MEGF6: variants seen among roughly 807,000 people sequenced by gnomAD.
MEGF6 encodes multiple EGF like domains 6.
A neutral mutation model predicts 207.1 loss-of-function variants in MEGF6; 184 were observed. The observed-to-expected ratio is 0.89, with a 90% CI of 0.79 to 1.00. The LOEUF is 1.00. Among genes scored for constraint, MEGF6 ranks in the 50% least tolerant of loss-of-function variants. The pLI is 0.00. For synonymous variants in MEGF6, 1,038 were observed against 910.0 expected, an observed-to-expected ratio of 1.14 and a Z score of -2.53; for missense variants, 2,282 against 2,202.9, an observed-to-expected ratio of 1.04 and a Z score of -0.72.
Position 3,522,839 on chromosome 1 carries a change from G to A in MEGF6, c.604+1285C>T, listed in dbSNP as rs187207255. Among the ~76,000 whole-genome samples, 9 of 152,296 alleles carry A rather than the reference G, an allele frequency of 5.9e-5. No homozygotes were observed. In the East Asian group the frequency reaches 1.4e-3, roughly 23 times the overall value. On this transcript the variant is annotated intron_variant, in intron 5 of 36. Transcript: ENST00000356575. ...CTGAGAGGAGGGTCGAGAAAAGGACGTGCCCCCCAAGAGCTGCCTCTTCCA... is the reference window on the plus strand; with the variant it reads ...CTGAGAGGAGGGTCGAGAAAAGGACATGCCCCCCAAGAGCTGCCTCTTCCA...
chr1:3,541,992 G>A (rs1012383027), intron 4 of MEGF6, among the ~76,000 whole-genome samples: 1 of 152,244 alleles, frequency 6.6e-6, no homozygotes, highest in Non-Finnish European at 1.5e-5. Flanking sequence ...CCAAGTAGCA[G>A]CTGAGAGCCG....
intron 8 of MEGF6, 104 bp downstream of exon 8, chr1:3,511,902 A>T: frequency 6.4e-7 from 1 of 1,550,964 alleles, no homozygotes; most frequent in Non-Finnish European, 8.7e-7. Context: ...GCTGCCCCTG[A>T]TTGACAAGGA....
chr1:3,550,830 C>T (rs1011064460), intron 4 of MEGF6, among the ~76,000 whole-genome samples: 8 of 152,256 alleles, frequency 5.3e-5, no homozygotes, highest in African/African-American at 1.9e-4. Context: ...CACACCCCCA[C>T]CGCCCGTGCA....
At chr1:3,511,448 T>G in intron 9 of MEGF6, 102 bp downstream of exon 9, 1 of 1,380,702 alleles carries the variant, frequency 7.2e-7, no homozygotes, top group African/African-American at 1.4e-5. Context: ...TCAGGGAGAC[T>G]GACGAGGACC....
upstream of MEGF6, among the ~76,000 whole-genome samples, chr1:3,612,910 GGGGAGAC>G (rs1350242570): frequency 6.6e-6 from 1 of 152,176 alleles, no homozygotes; most frequent in African/African-American, 2.4e-5. Context: ...CTTTACAGAA[GGGGAGAC>G]CTAGGTCACA....
chr1:3,514,117 G>T (rs989802848), intron 7 of MEGF6, among the ~76,000 whole-genome samples: 2 of 152,008 alleles, frequency 1.3e-5, no homozygotes, highest in Non-Finnish European at 2.9e-5. Flanking sequence ...GCCTGGCGGC[G>T]GGTGCCTGTA....
At chr1:3,543,915 G>C (rs373989367) in intron 4 of MEGF6, among the ~76,000 whole-genome samples, 1 of 152,196 alleles carries the variant, frequency 6.6e-6, no homozygotes, top group Non-Finnish European at 1.5e-5. Context: ...CCCAGCCCGC[G>C]TCAGCCCTGG....
intron 36 of MEGF6, 122 bp from the exon 37 acceptor site, chr1:3,490,711 G>GGTGGGGCCCA: frequency 8.4e-7 from 1 of 1,184,130 alleles, no homozygotes; most frequent in Non-Finnish European, 1.2e-6. Context: ...CCAGCAGGTG[G>GGTGGGGCCCA]GTGGGGCCCA....
intron 4 of MEGF6, among the ~76,000 whole-genome samples, chr1:3,549,516 G>C (rs1234645309): frequency 6.6e-6 from 1 of 152,342 alleles, no homozygotes; most frequent in East Asian, 1.9e-4. Context: ...CTGCCTGGGG[G>C]CTTCTGGGGG....
At position 3,498,521 on chromosome 1, in the gene MEGF6, C is replaced by G. The variant is rs748828126; in HGVS notation, c.3224-22G>C. 2.6e-6 allele frequency: 4 copies of G among 1,551,124 alleles called. No homozygotes were observed. The African/African-American group carries it at 4.1e-5, about 16-fold the overall frequency. The stretch of plus-strand genomic sequence containing the variant: ...CACTCTACAGGAGCAGAGGCAGGCA[C>G]GAGGGTGAGGGTCCTGCCTCCTGGG... On this transcript the variant is annotated intron_variant, in intron 25 of 36. Coordinates refer to ENST00000356575, the MANE Select transcript of MEGF6 (RefSeq NM_001409.4).
In MEGF6 at chr1:3,498,488, G is replaced by T; in HGVS notation, c.3235C>A (p.Arg1079=). The part of the protein sequence containing the change: ...GLACEKECLP[R]DVRAGCRHSG... ...TGCCGGCAGCCAGCTCTGACGTCCC[G>T]GGGGAGGCACTCTACAGGAGCAGAG... Residue 1079 remains arginine (R), a synonymous_variant, in exon 26 of 37, where the codon CGG becomes AGG. Transcript: ENST00000356575. 1 of 1,577,066 alleles carries T rather than the reference G, an allele frequency of 6.3e-7. No individual in the cohort carries two copies. The highest frequency in any genetic ancestry group is 8.6e-7 in the Non-Finnish European group (1 of 1,163,382).
upstream of MEGF6, among the ~76,000 whole-genome samples, chr1:3,614,349 C>T (rs1013827040): frequency 1.3e-5 from 2 of 152,204 alleles, no homozygotes; most frequent in African/African-American, 2.4e-5. Flanking sequence ...GACAGCCGAG[C>T]GCCAAAGAGG....
intron 4 of MEGF6, chr1:3,531,485 G>C: frequency 3.8e-6 from 4 of 1,066,644 alleles, no homozygotes; most frequent in South Asian, 4.4e-5. Flanking sequence ...GGCCAAGTCC[G>C]CAGACAACCG....
intron 4 of MEGF6, among the ~76,000 whole-genome samples, chr1:3,525,581 A>C (rs1641930718): frequency 6.6e-6 from 1 of 152,198 alleles, no homozygotes; most frequent in Non-Finnish European, 1.5e-5. Flanking sequence ...GCCTCCCATC[A>C]CAGGACACCT....
chr1:3,613,341 C>T (rs548592369), upstream of MEGF6, among the ~76,000 whole-genome samples: 2 of 152,332 alleles, frequency 1.3e-5, no homozygotes, highest in South Asian at 4.1e-4. Context: ...GCGCTGGGCC[C>T]CTGTCCTCGG....
At chr1:3,581,957 C>T (rs1643808057) in intron 3 of MEGF6, among the ~76,000 whole-genome samples, 1 of 149,590 alleles carries the variant, frequency 6.7e-6, no homozygotes, top group Admixed American at 6.6e-5. Context: ...GAAGCATCTG[C>T]CTAAATCTGA....
intron 13 of MEGF6, 116 bp downstream of exon 13, chr1:3,508,442 C>G: frequency 8.2e-7 from 1 of 1,220,682 alleles, no homozygotes; most frequent in Admixed American, 2.3e-5. Context: ...CTGCACAGAG[C>G]CCCCTGCCCA....
intron 2 of MEGF6, among the ~76,000 whole-genome samples, chr1:3,601,601 GCCCAGCT>G (rs1644160384): frequency 6.6e-6 from 1 of 152,184 alleles, no homozygotes; most frequent in Non-Finnish European, 1.5e-5. Flanking sequence ...CCCTCAGCCT[GCCCAGCT>G]CACCTGTCAC....
the MEGF6 span, among the ~76,000 whole-genome samples, chr1:3,617,735 C>A: frequency 6.6e-6 from 1 of 152,222 alleles, no homozygotes; most frequent in Non-Finnish European, 1.5e-5. Context: ...TGGATTTTCC[C>A]GGCAGGCTGT....
Sources: gnomAD v4.1 joint callset for allele counts (sites outside exome capture counted in the v4.1 genomes callset) on GRCh38, gnomAD v4.1.1 for gene constraint, MANE v1.5 for transcripts, NCBI Gene and HGNC (gene_info 2026-07-23, HGNC 2026-07-21) for gene names.